The following WIF1 variants were observed in gnomAD, a reference collection of about 807,000 sequenced individuals.
WIF1 encodes the protein Wnt inhibitory factor 1.
In WIF1, 35 loss-of-function variants were observed where a neutral mutation model predicts 53.5. The ratio of observed to expected loss-of-function variants is 0.65; its 90% CI spans 0.50 to 0.87. The LOEUF (loss-of-function observed/expected upper bound fraction) is 0.87. Among genes scored for constraint, WIF1 ranks in the 40% least tolerant of loss-of-function variants. The probability of loss-of-function intolerance (pLI) is 0.00; values close to 1 mark genes in which losing one functional copy is unlikely to be tolerated. For synonymous variants in WIF1, 171 were observed against 170.4 expected (o/e 1.00, Z -0.03); for missense variants, 467 against 476.8 (o/e 0.98, Z 0.19).
intron 9 of WIF1, chr12:65,054,065 T>C (rs1253959461): frequency 1.5e-5 from 2 of 132,766 alleles, no homozygotes; most frequent in Non-Finnish European, 3.1e-5. Flanking sequence ...TGGAATTTTG[T>C]GAATTTGCTT....
At chr12:65,083,075 T>C (rs1234445495) in intron 2 of WIF1, among the ~76,000 whole-genome samples, 1 of 152,204 alleles carries the variant, frequency 6.6e-6, no homozygotes, top group African/African-American at 2.4e-5. Flanking sequence ...TTTTGTTGAA[T>C]GTTTATTATA....
chr12:65,081,736 G>T (rs747342040), intron 2 of WIF1, among the ~76,000 whole-genome samples: 4 of 151,934 alleles, frequency 2.6e-5, no homozygotes, highest in Non-Finnish European at 5.9e-5. Context: ...ATAACTAATG[G>T]TGCATGAATC....
intron 2 of WIF1, among the ~76,000 whole-genome samples, chr12:65,105,310 G>A (rs556607883): frequency 4.5e-4 from 68 of 152,264 alleles, no homozygotes; most frequent in Middle Eastern, 3.4e-3. Context: ...TGGCCCTAAG[G>A]ACCAGGCCTG....
At chr12:65,071,536 G>C (rs1333691294) in intron 3 of WIF1, among the ~76,000 whole-genome samples, 1 of 152,100 alleles carries the variant, frequency 6.6e-6, no homozygotes, top group African/African-American at 2.4e-5. Flanking sequence ...TTCAATTACT[G>C]TTATAACTGA....
chr12:65,107,338 G>A (rs1009542102), intron 2 of WIF1, among the ~76,000 whole-genome samples: 1 of 152,178 alleles, frequency 6.6e-6, no homozygotes, highest in African/African-American at 2.4e-5. Context: ...AGCAGGAGAT[G>A]TCCTGTCCTG....
chr12:65,082,264 G>A (rs1196267339), intron 2 of WIF1, among the ~76,000 whole-genome samples: 2 of 152,104 alleles, frequency 1.3e-5, no homozygotes, highest in Admixed American at 1.3e-4. Flanking sequence ...TAGCTTTAAA[G>A]TTTGGGAACA....
At chr12:65,069,867 A>G (rs1446528) in intron 3 of WIF1, among the ~76,000 whole-genome samples, 31,152 of 152,140 alleles carry the variant, frequency 0.2, 3,423 homozygotes, top group Admixed American at 0.25. Flanking sequence ...TTATTATAAC[A>G]TATCCACTGG....
At chr12:65,114,475 T>C (rs1883479872) in intron 2 of WIF1, among the ~76,000 whole-genome samples, 1 of 152,212 alleles carries the variant, frequency 6.6e-6, no homozygotes, top group African/African-American at 2.4e-5. Context: ...CTGAATGGAA[T>C]CATTCACAAA....
At chr12:65,112,916 A>G (rs1014222385) in intron 2 of WIF1, among the ~76,000 whole-genome samples, 4 of 152,184 alleles carry the variant, frequency 2.6e-5, no homozygotes, top group African/African-American at 4.8e-5. Context: ...TTCCTTCCCC[A>G]GGCAGGAAGA....
At chr12:65,062,663 G>A in intron 6 of WIF1, 87 bp from the exon 7 acceptor site, 1 of 1,208,038 alleles carries the variant, frequency 8.3e-7, no homozygotes, top group South Asian at 1.4e-5. Context: ...CTATTTTTTA[G>A]GCATCTGCTT....
rs1565761038 is a variant in WIF1 at position 65,110,506 on chromosome 12, C to T, written c.288+9911G>A. Among the ~76,000 whole-genome samples, 3 of 152,200 alleles carry T rather than the reference C, an allele frequency of 2.0e-5. No homozygotes were observed. The South Asian group carries it at 6.2e-4, about 32-fold the overall frequency. Reference sequence around the variant, plus strand: ...CAAACTAGCTGCATCCCCCTCTGTGCTCCTAGAGCTCTGTGTTCATACATC... The same window carrying T: ...CAAACTAGCTGCATCCCCCTCTGTGTTCCTAGAGCTCTGTGTTCATACATC... On this transcript the variant is annotated intron_variant, in intron 2 of 9. Transcript: ENST00000286574.
At chr12:65,074,161 T>G (rs1229955544) in intron 3 of WIF1, among the ~76,000 whole-genome samples, 1 of 151,238 alleles carries the variant, frequency 6.6e-6, no homozygotes, top group Non-Finnish European at 1.5e-5. Context: ...AGAATTTCAG[T>G]AAGATTTTTA....
At chr12:65,112,795 C>A (rs1230244810) in intron 2 of WIF1, among the ~76,000 whole-genome samples, 14 of 152,184 alleles carry the variant, frequency 9.2e-5, no homozygotes, top group Non-Finnish European at 2.9e-5. Flanking sequence ...TTAGGACATC[C>A]TGAGCTCTTC....
At chr12:65,077,326 A>G (rs952207255) in intron 3 of WIF1, among the ~76,000 whole-genome samples, 1 of 151,558 alleles carries the variant, frequency 6.6e-6, no homozygotes, top group Non-Finnish European at 1.5e-5. Flanking sequence ...TCAAATTCTA[A>G]TTTAATACAA....
chr12:65,090,422 G>T (rs1883105017), intron 2 of WIF1, among the ~76,000 whole-genome samples: 1 of 152,182 alleles, frequency 6.6e-6, no homozygotes, highest in Admixed American at 6.5e-5. Context: ...AGTCAAAACA[G>T]ACCTAGTATT....
chr12:65,056,650 TG>T (rs1882533324), intron 7 of WIF1, among the ~76,000 whole-genome samples: 1 of 152,108 alleles, frequency 6.6e-6, no homozygotes, highest in Non-Finnish European at 1.5e-5. Flanking sequence ...TATTGATTTT[TG>T]TTTTTTGGTT....
intron 8 of WIF1, 70 bp from the exon 9 acceptor site, chr12:65,055,283 T>C: frequency 6.6e-7 from 1 of 1,512,848 alleles, no homozygotes; most frequent in Non-Finnish European, 8.9e-7. Flanking sequence ...ATAGTTGCTT[T>C]CCTTGCAATT....
chr12:65,114,753 A>G (rs1370215208), intron 2 of WIF1, among the ~76,000 whole-genome samples: 3 of 152,180 alleles, frequency 2.0e-5, no homozygotes, highest in Non-Finnish European at 4.4e-5. Context: ...AACTCAATAA[A>G]GTCAGTTATT....
chr12:65,058,720 G>T lies in WIF1; in HGVS notation c.827-2594C>A, dbSNP rs755617870. On this transcript the variant is annotated intron_variant, in intron 7 of 9. Coordinates refer to ENST00000286574, the MANE Select transcript of WIF1 (RefSeq NM_007191.5). ...TCTACCCATTAAATAGTGGAAAACTGAGTCAGCTTGAGAGATGGCACATTT... is the reference window on the plus strand; with the variant it reads ...TCTACCCATTAAATAGTGGAAAACTTAGTCAGCTTGAGAGATGGCACATTT... 4.6e-5 allele frequency among the ~76,000 whole-genome samples: 7 copies of T among 152,164 alleles called. No homozygotes were observed. In the East Asian group the frequency reaches 1.2e-3, roughly 25 times the overall value.
Sources: gnomAD v4.1 joint callset for allele counts (sites outside exome capture counted in the v4.1 genomes callset) on GRCh38, gnomAD v4.1.1 for gene constraint, MANE v1.5 for transcripts, NCBI Gene and HGNC (gene_info 2026-07-23, HGNC 2026-07-21) for gene names.